EPHA6: variants seen among roughly 807,000 people sequenced by gnomAD.
EPHA6 encodes the protein ephrin type-A receptor 6.
Under a neutral mutation model 112.0 loss-of-function variants are expected in EPHA6, and 50 were observed. That is an observed-to-expected ratio of 0.45 (90% CI 0.36 to 0.56). The LOEUF is 0.56. EPHA6 is among the 20% of genes least tolerant of loss of function. The pLI is 0.00. For synonymous variants in EPHA6, 529 were observed against 490.7 expected, an observed-to-expected ratio of 1.08 and a Z score of -1.03; for missense variants, 1,280 against 1,417.4, an observed-to-expected ratio of 0.90 and a Z score of 1.56.
chr3:97,620,644 G>T (rs1329786307), intron 13 of EPHA6, among the ~76,000 whole-genome samples: 2 of 151,944 alleles, frequency 1.3e-5, no homozygotes, highest in Non-Finnish European at 2.9e-5. Context: ...CATACATGTG[G>T]CCAAGAAGTA....
intron 14 of EPHA6, among the ~76,000 whole-genome samples, chr3:97,664,827 C>T (rs1188352602): frequency 6.6e-6 from 1 of 152,098 alleles, no homozygotes; most frequent in East Asian, 1.9e-4. Flanking sequence ...AAAGAGGATA[C>T]AAACAAAAAG....
At chr3:97,573,599 A>AT (rs1179458813) in intron 11 of EPHA6, among the ~76,000 whole-genome samples, 2 of 151,620 alleles carry the variant, frequency 1.3e-5, no homozygotes, top group African/African-American at 4.8e-5. Context: ...TTTAAATTTT[A>AT]TTTTTTATTA....
rs141823818 is a variant in EPHA6 at position 97,032,666 on chromosome 3, A to G, written c.1114+44673A>G. Among the ~76,000 whole-genome samples the G allele has an allele frequency of 8.4e-4, 128 of 152,028 alleles. 1 individual carries two copies. The highest frequency in any genetic ancestry group is 2.9e-3 in the African/African-American group (122 of 41,518). On this transcript the variant is annotated intron_variant, in intron 3 of 17. Transcript: ENST00000389672. ...CTTTCACCTGTGTGTGTAATCGAGA[A>G]TTCTAATCTGAACTTCTTGCTGATT...
intron 3 of EPHA6, among the ~76,000 whole-genome samples, chr3:97,056,760 G>C (rs1454291759): frequency 6.6e-6 from 1 of 152,130 alleles, no homozygotes; most frequent in African/African-American, 2.4e-5. Flanking sequence ...TTGCAACGCG[G>C]CATCTTCATT....
intron 13 of EPHA6, among the ~76,000 whole-genome samples, chr3:97,620,252 T>C (rs1216021322): frequency 6.6e-6 from 1 of 152,028 alleles, no homozygotes; most frequent in East Asian, 1.9e-4. Context: ...TCTTACACCA[T>C]ATACAGAAAT....
Position 96,815,302 on chromosome 3 carries a change from T to C in EPHA6, c.385+294T>C, listed in dbSNP as rs543542086. On this transcript the variant is annotated intron_variant, in intron 1 of 17. Transcript: ENST00000389672. The stretch of plus-strand genomic sequence containing the variant: ...CGTGGGACCGCTCCCCGCTGCGCTG[T>C]CTCCACTGGAAGTCAGGCTCCGTGG... 2.0e-5 allele frequency among the ~76,000 whole-genome samples: 3 copies of C among 152,174 alleles called. No homozygotes were observed. In the East Asian group the frequency reaches 5.8e-4, roughly 30 times the overall value.
At chr3:97,367,989 G>A (rs887670475) in intron 5 of EPHA6, among the ~76,000 whole-genome samples, 3 of 152,028 alleles carry the variant, frequency 2.0e-5, no homozygotes, top group South Asian at 2.1e-4. Flanking sequence ...CTACTTTCAT[G>A]CTTCTTAAAT....
At chr3:96,912,630 C>T (rs2039275632) in intron 2 of EPHA6, among the ~76,000 whole-genome samples, 1 of 152,122 alleles carries the variant, frequency 6.6e-6, no homozygotes, top group African/African-American at 2.4e-5. Flanking sequence ...CTCTGTCGTT[C>T]AGGCTGGAAT....
At chr3:97,541,159 C>T (rs2092843721) in intron 11 of EPHA6, among the ~76,000 whole-genome samples, 2 of 152,126 alleles carry the variant, frequency 1.3e-5, no homozygotes. Flanking sequence ...AAATGAAAAT[C>T]TGGTAAGGTC....
At chr3:97,085,930 T>C (rs965109046) in intron 3 of EPHA6, among the ~76,000 whole-genome samples, 1 of 137,626 alleles carries the variant, frequency 7.3e-6, no homozygotes, top group South Asian at 2.2e-4. Context: ...TATGATGTCA[T>C]ATATATATAT....
At chr3:96,912,658 G>C (rs2039277272) in intron 2 of EPHA6, among the ~76,000 whole-genome samples, 1 of 152,116 alleles carries the variant, frequency 6.6e-6, no homozygotes, top group African/African-American at 2.4e-5. Flanking sequence ...CATGATCATA[G>C]ATCACCCTAA....
intron 11 of EPHA6, chr3:97,559,793 C>T (rs1001219455): frequency 1.2e-5 from 4 of 330,478 alleles, no homozygotes; most frequent in African/African-American, 8.7e-5. Flanking sequence ...AGCCAACAGC[C>T]CTTAGTCAGC....
intron 10 of EPHA6, among the ~76,000 whole-genome samples, chr3:97,502,444 T>C (rs986420006): frequency 1.3e-5 from 2 of 151,762 alleles, no homozygotes; most frequent in African/African-American, 2.4e-5. Context: ...GCTGGGATTA[T>C]ACATGTGAGC....
At chr3:97,233,212 A>G (rs919423968) in intron 4 of EPHA6, among the ~76,000 whole-genome samples, 2 of 151,272 alleles carry the variant, frequency 1.3e-5, no homozygotes, top group African/African-American at 4.9e-5. Flanking sequence ...TGCCCTGTTC[A>G]TGTCTGCCTA....
At chr3:97,652,469 T>C (rs2094113795) in intron 14 of EPHA6, among the ~76,000 whole-genome samples, 1 of 152,096 alleles carries the variant, frequency 6.6e-6, no homozygotes. Flanking sequence ...GATTTATATG[T>C]CAGTTATAGT....
At chr3:96,994,150 C>T in intron 3 of EPHA6, 1 of 292,528 alleles carries the variant, frequency 3.4e-6, no homozygotes, top group Non-Finnish European at 7.0e-6. Flanking sequence ...CTGTATGAAC[C>T]AGGCTTAAAT....
chr3:97,353,643 T>C (rs563403613), intron 5 of EPHA6, among the ~76,000 whole-genome samples: 1 of 152,226 alleles, frequency 6.6e-6, no homozygotes, highest in African/African-American at 2.4e-5. Context: ...GGTTTCCAAC[T>C]ACAGGCCTTG....
At chr3:97,713,552 A>T (rs2034075888) in intron 14 of EPHA6, among the ~76,000 whole-genome samples, 1 of 152,222 alleles carries the variant, frequency 6.6e-6, no homozygotes, top group Non-Finnish European at 1.5e-5. Context: ...TGCCAAAAAA[A>T]GGTTCTTTTG....
intron 11 of EPHA6, among the ~76,000 whole-genome samples, chr3:97,576,627 A>G (rs1189751982): frequency 2.0e-5 from 3 of 152,188 alleles, no homozygotes; most frequent in Non-Finnish European, 4.4e-5. Flanking sequence ...TTCAAACCAT[A>G]CTATCTTTAT....
Sources: allele counts gnomAD v4.1 joint callset (sites outside exome capture counted in the v4.1 genomes callset), GRCh38; gene constraint gnomAD v4.1.1; transcripts MANE v1.5; gene names NCBI Gene and HGNC (gene_info 2026-07-23, HGNC 2026-07-21).